ZNF713: variants seen among roughly 807,000 people sequenced by gnomAD.
ZNF713 encodes zinc finger protein 713.
A neutral mutation model predicts 28.7 loss-of-function variants in ZNF713; 21 were observed. The ratio of observed to expected loss-of-function variants is 0.73; its 90% CI spans 0.52 to 1.05. ZNF713 has a LOEUF of 1.05. Among genes scored for constraint, ZNF713 ranks in the 50% least tolerant of loss-of-function variants. ZNF713 has a pLI of 0.00. For missense variants in ZNF713, 458 were observed against 532.4 expected, an observed-to-expected ratio of 0.86 and a Z score of 1.37; for synonymous variants, 167 against 178.0, an observed-to-expected ratio of 0.94 and a Z score of 0.49.
intron 4 of ZNF713, among the ~76,000 whole-genome samples, chr7:55,920,464 C>T (rs1184231043): frequency 1.3e-5 from 2 of 152,222 alleles, no homozygotes; most frequent in African/African-American, 4.8e-5. Context: ...CCACAACATT[C>T]CCTTAAGCCA....
intron 4 of ZNF713, among the ~76,000 whole-genome samples, chr7:55,922,869 C>A (rs1301353255): frequency 6.6e-6 from 1 of 152,192 alleles, no homozygotes; most frequent in Non-Finnish European, 1.5e-5. Context: ...CCCACAATAT[C>A]TCTGAGGTGT....
At chr7:55,913,138 T>C (rs1438535643) in intron 4 of ZNF713, among the ~76,000 whole-genome samples, 1 of 151,784 alleles carries the variant, frequency 6.6e-6, no homozygotes, top group Admixed American at 6.6e-5. Context: ...CACAAATTAA[T>C]GTTTCCCAAG....
intron 6 of ZNF713, among the ~76,000 whole-genome samples, chr7:55,925,890 A>T (rs910905152): frequency 6.6e-6 from 1 of 152,112 alleles, no homozygotes; most frequent in African/African-American, 2.4e-5. Flanking sequence ...CAGGGCAGGG[A>T]CCTACAGCAG....
At chr7:55,935,729 G>A (rs1488059029) in intron 6 of ZNF713, among the ~76,000 whole-genome samples, 11 of 152,044 alleles carry the variant, frequency 7.2e-5, no homozygotes, top group African/African-American at 2.4e-4. Context: ...CGAGGCAGGC[G>A]GATCATGAGG....
At chr7:55,932,195 T>G (rs1163596561) in intron 6 of ZNF713, among the ~76,000 whole-genome samples, 2 of 152,212 alleles carry the variant, frequency 1.3e-5, no homozygotes, top group Non-Finnish European at 2.9e-5. Flanking sequence ...TCTATTGATC[T>G]ATTTTCCATA....
intron 6 of ZNF713, among the ~76,000 whole-genome samples, chr7:55,925,143 C>G (rs1158287208): frequency 6.6e-6 from 1 of 152,180 alleles, no homozygotes; most frequent in African/African-American, 2.4e-5. Flanking sequence ...GTAGTTTCTA[C>G]TCTGGTCCAT....
intron 2 of ZNF713, among the ~76,000 whole-genome samples, chr7:55,909,442 C>T (rs750482771): frequency 2.0e-5 from 3 of 151,998 alleles, no homozygotes; most frequent in Non-Finnish European, 2.9e-5. Flanking sequence ...TTCCTGTAGC[C>T]TTTTAGTATA....
At chr7:55,929,027 A>G (rs1786158601) in intron 6 of ZNF713, among the ~76,000 whole-genome samples, 1 of 151,150 alleles carries the variant, frequency 6.6e-6, no homozygotes, top group Non-Finnish European at 1.5e-5. Context: ...AGTCCCAGCC[A>G]CTCAAAAGGC....
intron 3 of ZNF713, 78 bp from the exon 4 acceptor site, chr7:55,912,557 C>T (rs1031086766): frequency 7.7e-6 from 8 of 1,039,688 alleles, no homozygotes; most frequent in Admixed American, 6.0e-5. Context: ...GTCTGCCATA[C>T]CTACACAAAG....
At chr7:55,927,915 A>AAAAAAAAAAAAAAG (rs1562746758) in intron 6 of ZNF713, among the ~76,000 whole-genome samples, 34 of 148,006 alleles carry the variant, frequency 2.3e-4, no homozygotes, top group South Asian at 4.3e-4. Flanking sequence ...AAAAAAAAAA[A>AAAAAAAAAAAAAAG]AAAAAGCCAC....
chr7:55,927,546 A>C (rs867790510), intron 6 of ZNF713, among the ~76,000 whole-genome samples: 4 of 151,890 alleles, frequency 2.6e-5, no homozygotes, highest in Non-Finnish European at 5.9e-5. Context: ...AATTGTTCTA[A>C]GCAGGAACGA....
At chr7:55,897,656 CT>C (rs1240404886) in intron 1 of ZNF713, among the ~76,000 whole-genome samples, 1 of 152,136 alleles carries the variant, frequency 6.6e-6, no homozygotes, top group East Asian at 1.9e-4. Flanking sequence ...AAGATAGTAA[CT>C]TTTACCATAG....
intron 4 of ZNF713, among the ~76,000 whole-genome samples, chr7:55,919,775 G>C (rs796495306): frequency 6.6e-6 from 1 of 151,894 alleles, no homozygotes; most frequent in Non-Finnish European, 1.5e-5. Flanking sequence ...GAATTCATTC[G>C]TGCAATCTTC....
chr7:55,913,658 A>C lies in ZNF713; in HGVS notation c.87+935A>C, dbSNP rs564479400. 2.6e-5 allele frequency among the ~76,000 whole-genome samples: 4 copies of C among 152,304 alleles called. No individual in the cohort carries two copies. The East Asian group carries it at 7.7e-4, about 29-fold the overall frequency. ...ATTGCTATCAAATTAGGTGTTAGCA[A>C]TACTACCTCACTGAAGAAAAATCAT... is the stretch of plus-strand genomic sequence containing the variant. On this transcript the variant is annotated intron_variant, in intron 4 of 6. Transcript: ENST00000429591.
At chr7:55,908,010 A>G (rs1434418376) in intron 2 of ZNF713, among the ~76,000 whole-genome samples, 14 of 151,010 alleles carry the variant, frequency 9.3e-5, no homozygotes, top group Admixed American at 9.3e-4. Flanking sequence ...AGGTAATTCT[A>G]TTTTTAGTTC....
chr7:55,935,400 T>C (rs1160645165), intron 6 of ZNF713, among the ~76,000 whole-genome samples: 2 of 152,152 alleles, frequency 1.3e-5, no homozygotes, highest in African/African-American at 4.8e-5. Context: ...AGAAAGAATA[T>C]TGTTAAGTAA....
chr7:55,935,625 A>T (rs918556623), intron 6 of ZNF713, among the ~76,000 whole-genome samples: 1 of 152,098 alleles, frequency 6.6e-6, no homozygotes, highest in African/African-American at 2.4e-5. Context: ...GGCCTCATGA[A>T]CCTCATCCCT....
chr7:55,938,942 G>T (rs758750268), intron 6 of ZNF713, 40 bp from the exon 7 acceptor site: 1 of 1,522,564 alleles, frequency 6.6e-7, no homozygotes, highest in Non-Finnish European at 8.8e-7. Context: ...GATAACATGA[G>T]AATATTGGAA....
chr7:55,923,700 G>T lies in ZNF713; in HGVS notation c.307+1G>T, dbSNP rs1554337135. 6.2e-7 allele frequency: 1 copy of T among 1,609,904 alleles called. No individual in the cohort carries two copies. The highest frequency in any genetic ancestry group is 8.5e-7 in the Non-Finnish European group (1 of 1,177,580). The stretch of plus-strand genomic sequence containing the variant: ...GACAGCCTGCTGGATACTCATCCAG[G>T]TAAGTGCACACTCTTGGGCACTGCT... On this transcript the variant is annotated splice_donor_variant, in intron 6 of 6. Coordinates refer to ENST00000429591, the MANE Select transcript of ZNF713 (RefSeq NM_182633.3). LOFTEE classifies it high-confidence loss of function.
Sources: allele counts gnomAD v4.1 joint callset (sites outside exome capture counted in the v4.1 genomes callset), GRCh38; gene constraint gnomAD v4.1.1; transcripts MANE v1.5; gene names NCBI Gene and HGNC (gene_info 2026-07-23, HGNC 2026-07-21).